CADM2: variants seen among roughly 807,000 people sequenced by gnomAD.
CADM2 encodes immunoglobulin superfamily member 4D.
A neutral mutation model predicts 49.8 loss-of-function variants in CADM2; 12 were observed. The ratio of observed to expected loss-of-function variants is 0.24; its 90% confidence interval spans 0.15 to 0.39. The LOEUF (loss-of-function observed/expected upper bound fraction) is 0.39. CADM2 is among the 10% of genes least tolerant of loss of function. The probability of loss-of-function intolerance (pLI) is 1.00; values close to 1 mark genes in which losing one functional copy is unlikely to be tolerated. For synonymous variants in CADM2, 214 were observed against 175.4 expected (o/e 1.22, Z -1.74); for missense variants, 378 against 492.3 (o/e 0.77, Z 2.20).
At chr3:85,923,924 C>G (rs572283207) in intron 6 of CADM2, among the ~76,000 whole-genome samples, 2 of 152,156 alleles carry the variant, frequency 1.3e-5, no homozygotes, top group South Asian at 4.1e-4. Flanking sequence ...GTGGACATTC[C>G]CACTCTTAAA....
chr3:84,976,504 A>G (rs1359712750), intron 1 of CADM2, among the ~76,000 whole-genome samples: 3 of 151,776 alleles, frequency 2.0e-5, no homozygotes, highest in Non-Finnish European at 3.0e-5. Context: ...ATAGAAATCT[A>G]TTGGTTATTT....
intron 1 of CADM2, among the ~76,000 whole-genome samples, chr3:85,092,144 C>T (rs946671872): frequency 6.6e-6 from 1 of 152,026 alleles, no homozygotes; most frequent in African/African-American, 2.4e-5. Context: ...AAAAACAATG[C>T]GCCCTGTCCT....
At chr3:85,050,675 C>A (rs9869902) in intron 1 of CADM2, among the ~76,000 whole-genome samples, 1 of 152,084 alleles carries the variant, frequency 6.6e-6, no homozygotes, top group East Asian at 1.9e-4. Flanking sequence ...ATGGAATTAA[C>A]CTCAGTTATT....
At chr3:85,188,661 A>G (rs2041125077) in intron 1 of CADM2, among the ~76,000 whole-genome samples, 1 of 152,116 alleles carries the variant, frequency 6.6e-6, no homozygotes, top group Non-Finnish European at 1.5e-5. Context: ...ATATTATTGT[A>G]GGATTACATT....
chr3:85,056,393 G>A (rs190381459), intron 1 of CADM2, among the ~76,000 whole-genome samples: 1 of 152,030 alleles, frequency 6.6e-6, no homozygotes, highest in Non-Finnish European at 1.5e-5. Flanking sequence ...AAGGGAATGG[G>A]TTGAATTTGC....
chr3:85,324,079 G>C, intron 1 of CADM2, among the ~76,000 whole-genome samples: 1 of 152,150 alleles, frequency 6.6e-6, no homozygotes, highest in East Asian at 1.9e-4. Context: ...TCAGCACCAG[G>C]AGGACAGAGT....
chr3:85,142,064 T>C (rs2039593226), intron 1 of CADM2, among the ~76,000 whole-genome samples: 1 of 152,228 alleles, frequency 6.6e-6, no homozygotes, highest in Non-Finnish European at 1.5e-5. Context: ...GGAAATCACA[T>C]AGTTACACCT....
At chr3:85,938,981 T>C (rs982628701) in intron 7 of CADM2, among the ~76,000 whole-genome samples, 1 of 152,074 alleles carries the variant, frequency 6.6e-6, no homozygotes, top group African/African-American at 2.4e-5. Context: ...AAGAATGAGT[T>C]ATTCAGAGTA....
At chr3:85,895,020 G>A (rs373794936) in intron 5 of CADM2, among the ~76,000 whole-genome samples, 9 of 152,204 alleles carry the variant, frequency 5.9e-5, no homozygotes, top group African/African-American at 2.2e-4. Context: ...AGAGAGTCCC[G>A]ACTGAGGCAC....
intron 1 of CADM2, among the ~76,000 whole-genome samples, chr3:84,989,455 C>G (rs1489248819): frequency 1.3e-5 from 2 of 151,878 alleles, no homozygotes; most frequent in Admixed American, 6.6e-5. Context: ...GTTTTTTGTT[C>G]ATTTATAATG....
chr3:85,137,515 G>A (rs919202390), intron 1 of CADM2, among the ~76,000 whole-genome samples: 13 of 151,850 alleles, frequency 8.6e-5, no homozygotes, highest in African/African-American at 3.1e-4. Flanking sequence ...GTTTTCTGGG[G>A]TTTGGATAGA....
chr3:85,037,082 A>C (rs2035247613), intron 1 of CADM2, among the ~76,000 whole-genome samples: 1 of 152,010 alleles, frequency 6.6e-6, no homozygotes, highest in Non-Finnish European at 1.5e-5. Context: ...AGGCAGGAGA[A>C]TCGCTTGAAC....
intron 1 of CADM2, among the ~76,000 whole-genome samples, chr3:85,567,247 G>A (rs1453233950): frequency 6.6e-6 from 1 of 152,050 alleles, no homozygotes; most frequent in Non-Finnish European, 1.5e-5. Flanking sequence ...CTGCATTATC[G>A]AGCAGATGGT....
chr3:85,619,587 A>G (rs2063908963), intron 1 of CADM2, among the ~76,000 whole-genome samples: 1 of 152,148 alleles, frequency 6.6e-6, no homozygotes, highest in South Asian at 2.1e-4. Flanking sequence ...TGATGGAAAT[A>G]CATGGCTTCT....
chr3:85,804,283 G>A (rs2072259514), intron 3 of CADM2, among the ~76,000 whole-genome samples: 1 of 152,010 alleles, frequency 6.6e-6, no homozygotes, highest in Non-Finnish European at 1.5e-5. Flanking sequence ...TATTATATTA[G>A]TTAATTTGTC....
At chr3:85,996,147 T>G (rs1249309346) in intron 8 of CADM2, among the ~76,000 whole-genome samples, 2 of 150,890 alleles carry the variant, frequency 1.3e-5, no homozygotes, top group African/African-American at 2.4e-5. Flanking sequence ...TTTTGTTCAT[T>G]AATATTGTAA....
intron 1 of CADM2, among the ~76,000 whole-genome samples, chr3:85,380,078 C>G (rs2033815869): frequency 6.6e-6 from 1 of 151,918 alleles, no homozygotes; most frequent in Non-Finnish European, 1.5e-5. Flanking sequence ...AAATTTCTTC[C>G]CCGTACTACA....
At chr3:85,456,072 G>A (rs531470692) in intron 1 of CADM2, among the ~76,000 whole-genome samples, 1 of 152,132 alleles carries the variant, frequency 6.6e-6, no homozygotes, top group African/African-American at 2.4e-5. Flanking sequence ...GAGGTCAGAG[G>A]TTACCTTTAA....
chr3:85,505,111 G>C (rs1386454844), intron 1 of CADM2, among the ~76,000 whole-genome samples: 1 of 152,172 alleles, frequency 6.6e-6, no homozygotes, highest in Non-Finnish European at 1.5e-5. Context: ...GGCCAGCCCA[G>C]GAGGGGGCTC....
Sources: allele counts gnomAD v4.1 joint callset (sites outside exome capture counted in the v4.1 genomes callset), GRCh38; gene constraint gnomAD v4.1.1; transcripts MANE v1.5; gene names NCBI Gene and HGNC (gene_info 2026-07-23, HGNC 2026-07-21).